IMMP2L: variants seen among roughly 807,000 people sequenced by gnomAD.
IMMP2L encodes the protein mitochondrial inner membrane protease subunit 2.
A neutral mutation model predicts 19.3 loss-of-function variants in IMMP2L; 18 were observed. The observed-to-expected ratio is 0.93, with a 90% CI of 0.64 to 1.38. The LOEUF is 1.38. Among genes scored for constraint, IMMP2L ranks in the 40% most tolerant of loss-of-function variants. The pLI, the probability that IMMP2L is intolerant of heterozygous loss-of-function variation, is 0.00. For synonymous variants in IMMP2L, 76 were observed against 73.0 expected (o/e 1.04, Z -0.21); for missense variants, 233 against 218.2 (o/e 1.07, Z -0.43).
chr7:111,264,066 T>TGGAGTAC (rs1817590889), intron 3 of IMMP2L, among the ~76,000 whole-genome samples: 1 of 152,178 alleles, frequency 6.6e-6, no homozygotes, highest in African/African-American at 2.4e-5. Context: ...AGTACAGTTA[T>TGGAGTAC]AATACTCCAT....
chr7:111,439,591 T>A (rs1018965651), intron 3 of IMMP2L, among the ~76,000 whole-genome samples: 1 of 151,960 alleles, frequency 6.6e-6, no homozygotes, highest in South Asian at 2.1e-4. Context: ...GCTAAAAAAA[T>A]GCTAATGATC....
intron 1 of IMMP2L, among the ~76,000 whole-genome samples, chr7:111,530,361 A>C (rs973807051): frequency 3.9e-5 from 6 of 152,326 alleles, no homozygotes; most frequent in African/African-American, 1.4e-4. Context: ...AACAGAATTA[A>C]GGATGTCCAT....
At position 110,896,509 on chromosome 7, in the gene IMMP2L, C is replaced by T. The variant is rs1811340058; in HGVS notation, c.306-9814G>A. Among the ~76,000 whole-genome samples the T allele has an allele frequency of 1.8e-4, 5 of 27,520 alleles. 2 individuals carry two copies. In the South Asian group the frequency reaches 0.016, roughly 88 times the overall value. 18.1% of individuals were successfully genotyped at this position (27,520 alleles called of 152,430 possible). A position where few individuals can be genotyped will look rare whatever the true frequency, so the allele number is the denominator to read the frequency against. On this transcript the variant is annotated intron_variant, in intron 4 of 5. Transcript: ENST00000405709. ...ATCCATTTTCAATTGGATTGTTTGTCTTTTTTAAAAATCATTTCATTATAT... is the reference window on the plus strand; with the variant it reads ...ATCCATTTTCAATTGGATTGTTTGTTTTTTTTAAAAATCATTTCATTATAT...
intron 3 of IMMP2L, among the ~76,000 whole-genome samples, chr7:111,013,098 G>A (rs1192951216): frequency 6.6e-6 from 1 of 151,938 alleles, no homozygotes; most frequent in Admixed American, 6.6e-5. Flanking sequence ...CAAGGAGAGA[G>A]GGCCTTAGAA....
chr7:110,817,308 T>C (rs917055913), intron 5 of IMMP2L, among the ~76,000 whole-genome samples: 4 of 152,076 alleles, frequency 2.6e-5, no homozygotes, highest in Non-Finnish European at 5.9e-5. Flanking sequence ...AGCATTCTTA[T>C]ACACCAATAA....
In IMMP2L at chr7:111,081,690, C is replaced by T. The variant is rs73418071; in HGVS notation, c.240-118125G>A. Among the ~76,000 whole-genome samples the T allele has an allele frequency of 4.5e-3, 684 of 152,312 alleles. 4 individuals carry two copies. The highest frequency in any genetic ancestry group is 0.016 in the African/African-American group (652 of 41,568). ...GGATTAACTGTGTTGATACATCTCTCGTTTGCTGAAAGGATTAAAGTAGCT... is the reference window on the plus strand; with the variant it reads ...GGATTAACTGTGTTGATACATCTCTTGTTTGCTGAAAGGATTAAAGTAGCT... On this transcript the variant is annotated intron_variant, in intron 3 of 5. Transcript: ENST00000405709.
At chr7:111,241,294 T>C (rs1814998677) in intron 3 of IMMP2L, among the ~76,000 whole-genome samples, 1 of 152,002 alleles carries the variant, frequency 6.6e-6, no homozygotes, top group South Asian at 2.1e-4. Context: ...AATAGATCTT[T>C]ACCCAAAAAA....
At chr7:111,328,596 T>C (rs908455070) in intron 3 of IMMP2L, among the ~76,000 whole-genome samples, 1 of 151,848 alleles carries the variant, frequency 6.6e-6, no homozygotes, top group Non-Finnish European at 1.5e-5. Context: ...TTATAAAAAC[T>C]AGAGGTGTGT....
chr7:110,732,675 T>G (rs1231097857), intron 5 of IMMP2L, among the ~76,000 whole-genome samples: 2 of 152,210 alleles, frequency 1.3e-5, no homozygotes, highest in African/African-American at 2.4e-5. Context: ...TCAATTTTTC[T>G]GATAGAAAGT....
At chr7:111,524,550 G>A (rs998536275) in intron 1 of IMMP2L, among the ~76,000 whole-genome samples, 96 of 152,070 alleles carry the variant, frequency 6.3e-4, no homozygotes, top group African/African-American at 2.1e-3. Flanking sequence ...TCCCCACTCC[G>A]ACTCAGACCT....
At chr7:111,085,417 T>C (rs1289661338) in intron 3 of IMMP2L, among the ~76,000 whole-genome samples, 2 of 152,202 alleles carry the variant, frequency 1.3e-5, no homozygotes, top group African/African-American at 2.4e-5. Flanking sequence ...TTGAAGCTAG[T>C]TGATTAGGAT....
chr7:110,849,095 T>C (rs1188528232), intron 5 of IMMP2L, among the ~76,000 whole-genome samples: 1 of 152,130 alleles, frequency 6.6e-6, no homozygotes, highest in Admixed American at 6.6e-5. Flanking sequence ...TGTCAATGTA[T>C]GCTCATCATT....
chr7:111,243,605 C>T (rs42969), intron 3 of IMMP2L, among the ~76,000 whole-genome samples: 30 of 129,632 alleles, frequency 2.3e-4, no homozygotes, highest in Non-Finnish European at 3.2e-4. Flanking sequence ...CATGCTGGTG[C>T]GCTGCACCCA....
chr7:111,211,898 G>A (rs1471359231), intron 3 of IMMP2L, among the ~76,000 whole-genome samples: 2 of 152,168 alleles, frequency 1.3e-5, no homozygotes, highest in Non-Finnish European at 2.9e-5. Context: ...TCCGGAGGCT[G>A]AGGCAGGAGA....
At chr7:111,076,531 T>C (rs1351316616) in intron 3 of IMMP2L, among the ~76,000 whole-genome samples, 1 of 152,314 alleles carries the variant, frequency 6.6e-6, no homozygotes, top group Middle Eastern at 3.4e-3. Context: ...ACCTCCTGAA[T>C]GACTCATTTG....
chr7:111,260,451 T>C (rs576389689), intron 3 of IMMP2L, among the ~76,000 whole-genome samples: 24 of 152,258 alleles, frequency 1.6e-4, no homozygotes, highest in African/African-American at 5.3e-4. Flanking sequence ...TTAAGGTACA[T>C]TGTCCCCTTG....
intron 2 of IMMP2L, among the ~76,000 whole-genome samples, chr7:111,498,427 C>G (rs1179092912): frequency 6.6e-6 from 1 of 151,988 alleles, no homozygotes; most frequent in African/African-American, 2.4e-5. Flanking sequence ...CAGCAAGATA[C>G]ATGCGGAATC....
At chr7:110,869,474 C>A (rs10229697) in intron 5 of IMMP2L, among the ~76,000 whole-genome samples, 6,691 of 152,144 alleles carry the variant, frequency 0.044, 483 homozygotes, top group African/African-American at 0.15. Flanking sequence ...ACACATACAA[C>A]CCACTTCCTC....
chr7:111,331,367 C>T (rs1260607833), intron 3 of IMMP2L, among the ~76,000 whole-genome samples: 1 of 151,758 alleles, frequency 6.6e-6, no homozygotes, highest in Non-Finnish European at 1.5e-5. Context: ...GTGAAATCTA[C>T]AATAACCTAA....
Sources: gnomAD v4.1 joint callset for allele counts (sites outside exome capture counted in the v4.1 genomes callset) on GRCh38, gnomAD v4.1.1 for gene constraint, MANE v1.5 for transcripts, NCBI Gene and HGNC (gene_info 2026-07-23, HGNC 2026-07-21) for gene names.